The following CTNNA1 variants were observed in gnomAD, a reference collection of about 807,000 sequenced individuals.
The protein encoded by CTNNA1 is catenin alpha 1.
In CTNNA1, 37 loss-of-function variants were observed where a neutral mutation model predicts 98.4. The observed-to-expected ratio is 0.38, with a 90% CI of 0.29 to 0.49. The LOEUF (loss-of-function observed/expected upper bound fraction) is 0.49, where lower values mean the gene tolerates loss of function less well. Among genes scored for constraint, CTNNA1 ranks in the 20% least tolerant of loss-of-function variants. The pLI, the probability that CTNNA1 is intolerant of heterozygous loss-of-function variation, is 0.95. For synonymous variants in CTNNA1, 404 were observed against 413.2 expected (o/e 0.98, Z 0.27); for missense variants, 761 against 1,147.2 (o/e 0.66, Z 4.86).
At chr5:138,770,944 C>T (rs1753481194) in intron 1 of CTNNA1, among the ~76,000 whole-genome samples, 1 of 116,894 alleles carries the variant, frequency 8.6e-6, no homozygotes, top group Non-Finnish European at 1.9e-5. Context: ...GAGCGAGACT[C>T]CGTCTCAAAA....
chr5:138,785,764 G>A (rs569755575), intron 3 of CTNNA1, among the ~76,000 whole-genome samples: 63 of 152,144 alleles, frequency 4.1e-4, no homozygotes, highest in African/African-American at 1.5e-3. Flanking sequence ...GTAGTGTAGT[G>A]TAGTGTAGTA....
intron 10 of CTNNA1, among the ~76,000 whole-genome samples, chr5:138,916,630 T>G (rs895441387): frequency 6.6e-6 from 1 of 151,908 alleles, no homozygotes; most frequent in African/African-American, 2.4e-5. Flanking sequence ...TCAAGCAGTG[T>G]TCCCACTTTG....
intron 5 of CTNNA1, among the ~76,000 whole-genome samples, chr5:138,820,838 A>G (rs1032517393): frequency 6.6e-6 from 1 of 152,220 alleles, no homozygotes; most frequent in African/African-American, 2.4e-5. Context: ...TCTTCACAAA[A>G]TAATGTGAGG....
At chr5:138,800,499 A>AAAGTGCAGCAG (rs1309946530) in intron 3 of CTNNA1, among the ~76,000 whole-genome samples, 3 of 152,168 alleles carry the variant, frequency 2.0e-5, no homozygotes, top group Non-Finnish European at 4.4e-5. Context: ...ATGCCATTAA[A>AAAGTGCAGCAG]AAGTGCAGCA....
At chr5:138,853,024 C>G (rs547853117) in intron 7 of CTNNA1, among the ~76,000 whole-genome samples, 1 of 152,226 alleles carries the variant, frequency 6.6e-6, no homozygotes, top group East Asian at 1.9e-4. Flanking sequence ...TTATTGCTGA[C>G]TACACTATGT....
At chr5:138,781,280 G>T (rs891124964) in intron 1 of CTNNA1, among the ~76,000 whole-genome samples, 2 of 152,172 alleles carry the variant, frequency 1.3e-5, no homozygotes, top group African/African-American at 4.8e-5. Flanking sequence ...GCCGGGTGCG[G>T]TGGCTCACGC....
intron 10 of CTNNA1, among the ~76,000 whole-genome samples, chr5:138,905,520 G>T (rs1015554217): frequency 6.6e-6 from 1 of 152,180 alleles, no homozygotes; most frequent in African/African-American, 2.4e-5. Context: ...TCTTTATTCT[G>T]TAGTGTCATA....
chr5:138,878,208 C>T (rs986703440), intron 7 of CTNNA1, among the ~76,000 whole-genome samples: 1 of 152,190 alleles, frequency 6.6e-6, no homozygotes, highest in Non-Finnish European at 1.5e-5. Context: ...CCTTCCAGGT[C>T]ACCAGCCATC....
chr5:138,914,252 G>A (rs1421819494), intron 10 of CTNNA1, among the ~76,000 whole-genome samples: 2 of 152,110 alleles, frequency 1.3e-5, no homozygotes, highest in Non-Finnish European at 2.9e-5. Context: ...GGCTCTCTTC[G>A]GAAACATTTT....
rs1345267370 is a variant in CTNNA1, at chr5:138,874,848, C to T, written c.1063-11364C>T. 2.0e-6 allele frequency: 3 copies of T among 1,500,518 alleles called. No individual in the cohort carries two copies. Among genetic ancestry groups the T allele is most frequent in the East Asian group, 4.5e-5 (2 of 44,242 alleles). 93.0% of individuals were successfully genotyped at this position (1,500,518 alleles called of 1,614,324 possible). ...CCCTCATAAAATGTGAATTCGGTAG[C>T]TTATTTTAAAAGCGTGATTCCTTGT... On this transcript the variant is annotated intron_variant, in intron 7 of 17. Transcript: ENST00000302763. This position sits in a 1 kb window ranked among gnomAD's most constrained non-coding sequence, Gnocchi z 4.1.
chr5:138,918,383 C>A (rs1762234521), intron 11 of CTNNA1, among the ~76,000 whole-genome samples: 2 of 152,144 alleles, frequency 1.3e-5, no homozygotes, highest in Admixed American at 6.5e-5. Flanking sequence ...AAAATAATTT[C>A]TTCCCTTCTT....
intron 7 of CTNNA1, among the ~76,000 whole-genome samples, chr5:138,861,227 G>A (rs193208738): frequency 1.8e-3 from 267 of 152,128 alleles, no homozygotes; most frequent in African/African-American, 6.2e-3. Flanking sequence ...CACCATGTGG[G>A]CCAGGCTGGT....
intron 5 of CTNNA1, among the ~76,000 whole-genome samples, chr5:138,813,073 A>G (rs897979008): frequency 6.6e-6 from 1 of 152,230 alleles, no homozygotes; most frequent in African/African-American, 2.4e-5. Flanking sequence ...CCCAGCTCCC[A>G]AACTGCTTGA....
chr5:138,844,528 A>G (rs1244128272), intron 7 of CTNNA1, among the ~76,000 whole-genome samples: 2 of 152,246 alleles, frequency 1.3e-5, no homozygotes, highest in Admixed American at 1.3e-4. Context: ...TGGCTGTAAC[A>G]CTATTTTGTT....
intron 7 of CTNNA1, among the ~76,000 whole-genome samples, chr5:138,837,623 T>C (rs1761920713): frequency 6.7e-6 from 1 of 148,922 alleles, no homozygotes; most frequent in Admixed American, 6.7e-5. Flanking sequence ...TCTTTTTGGT[T>C]TTGTTTGTTT....
chr5:138,868,537 A>G (rs987696715), intron 7 of CTNNA1, among the ~76,000 whole-genome samples: 1 of 151,922 alleles, frequency 6.6e-6, no homozygotes, highest in Non-Finnish European at 1.5e-5. Flanking sequence ...GGCAATTGGT[A>G]CCTTTCCGAA....
At chr5:138,762,468 A>G (rs892268495) in intron 1 of CTNNA1, among the ~76,000 whole-genome samples, 1 of 138,360 alleles carries the variant, frequency 7.2e-6, no homozygotes, top group Admixed American at 8.0e-5. Context: ...AGAGCCTTAA[A>G]TGTTCATTAT....
chr5:138,928,529 G>A (rs916018610), intron 13 of CTNNA1, among the ~76,000 whole-genome samples: 3 of 152,198 alleles, frequency 2.0e-5, no homozygotes, highest in Non-Finnish European at 2.9e-5. Flanking sequence ...ATACAAATCC[G>A]CTTAATACTA....
chr5:138,761,232 C>A (rs1752327028), intron 1 of CTNNA1, among the ~76,000 whole-genome samples: 1 of 152,092 alleles, frequency 6.6e-6, no homozygotes, highest in African/African-American at 2.4e-5. Context: ...GGTGATCACA[C>A]AACTGTTATT....
Sources: allele counts gnomAD v4.1 joint callset (sites outside exome capture counted in the v4.1 genomes callset), GRCh38; gene constraint gnomAD v4.1.1; non-coding constraint Gnocchi (gnomAD v3.1); transcripts MANE v1.5; gene names NCBI Gene and HGNC (gene_info 2026-07-23, HGNC 2026-07-21).